Variants in ASIC2 observed in about 807,000 individuals in gnomAD.
ASIC2 encodes the protein acid-sensing ion channel 2.
ASIC2 carries 25 observed loss-of-function variants against 57.3 expected under a neutral mutation model. That is an observed-to-expected ratio of 0.44 (90% CI 0.32 to 0.61). The LOEUF is 0.61. Ranked by LOEUF, ASIC2 falls within the 20% of genes least tolerant of loss-of-function variation. The pLI, the probability that ASIC2 is intolerant of heterozygous loss-of-function variation, is 0.06. For missense variants in ASIC2, 641 were observed against 738.1 expected (o/e 0.87, Z 1.52); for synonymous variants, 319 against 307.5 (o/e 1.04, Z -0.39).
intron 1 of ASIC2, among the ~76,000 whole-genome samples, chr17:33,409,933 G>C (rs1327697305): frequency 6.6e-6 from 1 of 152,180 alleles, no homozygotes; most frequent in Non-Finnish European, 1.5e-5. Context: ...ATCCAGCTCA[G>C]GCCAACATAC....
intron 1 of ASIC2, among the ~76,000 whole-genome samples, chr17:33,343,082 A>T (rs541153312): frequency 6.6e-6 from 1 of 152,340 alleles, no homozygotes; most frequent in African/African-American, 2.4e-5. Context: ...AGGGAATAGG[A>T]GCGAGCAATC....
chr17:33,423,362 C>T (rs1156758949), intron 1 of ASIC2, among the ~76,000 whole-genome samples: 1 of 152,132 alleles, frequency 6.6e-6, no homozygotes. Context: ...TGGGGAACTA[C>T]AGGCTGTGAT....
chr17:33,372,177 T>C (rs1410110107), intron 1 of ASIC2, among the ~76,000 whole-genome samples: 1 of 152,056 alleles, frequency 6.6e-6, no homozygotes, highest in Non-Finnish European at 1.5e-5. Context: ...TTTTAAGAAC[T>C]GTAGCAGGGC....
chr17:33,279,569 G>C (rs925298115), intron 1 of ASIC2, among the ~76,000 whole-genome samples: 2 of 152,142 alleles, frequency 1.3e-5, no homozygotes, highest in African/African-American at 2.4e-5. Context: ...GGCAATGGGA[G>C]TGAGGTAGCC....
At chr17:33,867,341 T>C (rs755479576) in intron 1 of ASIC2, among the ~76,000 whole-genome samples, 1 of 152,210 alleles carries the variant, frequency 6.6e-6, no homozygotes, top group African/African-American at 2.4e-5. Flanking sequence ...TTCACGGTAA[T>C]GATTTATTTA....
At chr17:33,558,414 A>G (rs1915973015) in intron 1 of ASIC2, among the ~76,000 whole-genome samples, 1 of 152,196 alleles carries the variant, frequency 6.6e-6, no homozygotes, top group Admixed American at 6.5e-5. Context: ...GATGACCTTG[A>G]ACTTTTAGAG....
intron 3 of ASIC2, among the ~76,000 whole-genome samples, chr17:33,082,813 T>C (rs2092118556): frequency 6.6e-6 from 1 of 152,200 alleles, no homozygotes; most frequent in South Asian, 2.1e-4. Flanking sequence ...GCTGTCCCCA[T>C]ACCGCATGAA....
chr17:33,701,033 G>C (rs1757418086), intron 1 of ASIC2, among the ~76,000 whole-genome samples: 1 of 152,190 alleles, frequency 6.6e-6, no homozygotes, highest in Non-Finnish European at 1.5e-5. Flanking sequence ...AGGGAGAAAG[G>C]CATAAAGTCA....
intron 1 of ASIC2, among the ~76,000 whole-genome samples, chr17:33,267,504 T>C (rs1909508335): frequency 1.3e-5 from 2 of 152,208 alleles, no homozygotes; most frequent in African/African-American, 2.4e-5. Context: ...CTTGCATTCA[T>C]CAGTCACTGA....
At chr17:33,899,256 A>T (rs1915179859) in intron 1 of ASIC2, among the ~76,000 whole-genome samples, 1 of 152,126 alleles carries the variant, frequency 6.6e-6, no homozygotes, top group Non-Finnish European at 1.5e-5. Flanking sequence ...TGACAGGGCG[A>T]TGCTGCTGCC....
intron 1 of ASIC2, among the ~76,000 whole-genome samples, chr17:33,772,807 C>T (rs7213579): frequency 0.2 from 29,978 of 152,122 alleles, 3,131 homozygotes; most frequent in East Asian, 0.43. Flanking sequence ...GAGGCGGAGA[C>T]TCAAATCCCA....
At chr17:33,308,237 C>A (rs368459057) in intron 1 of ASIC2, among the ~76,000 whole-genome samples, 1 of 152,200 alleles carries the variant, frequency 6.6e-6, no homozygotes, top group Non-Finnish European at 1.5e-5. Context: ...TTTATGTTTT[C>A]TTTCACTGAT....
chr17:33,695,298 A>G (rs1325546469), intron 1 of ASIC2, among the ~76,000 whole-genome samples: 1 of 152,212 alleles, frequency 6.6e-6, no homozygotes, highest in Non-Finnish European at 1.5e-5. Flanking sequence ...AAATCATTTA[A>G]AAATATGGTG....
intron 1 of ASIC2, among the ~76,000 whole-genome samples, chr17:33,850,120 C>G (rs364925): frequency 0.3 from 45,955 of 151,908 alleles, 7,294 homozygotes; most frequent in East Asian, 0.49. Flanking sequence ...TTACTGTTCT[C>G]TTCAGGTGCT....
chr17:33,106,715 C>G (rs980964360), intron 2 of ASIC2, among the ~76,000 whole-genome samples: 1 of 152,230 alleles, frequency 6.6e-6, no homozygotes, highest in East Asian at 1.9e-4. Context: ...GGGGCGGGCA[C>G]CTGACTGGAG....
At chr17:33,708,503 C>T (rs1019894527) in intron 1 of ASIC2, among the ~76,000 whole-genome samples, 2 of 152,098 alleles carry the variant, frequency 1.3e-5, no homozygotes, top group African/African-American at 4.8e-5. Flanking sequence ...TTCTATTGAC[C>T]ACATTTTACA....
Position 33,735,560 on chromosome 17 carries a change from G to A in ASIC2, c.555+420418C>T, listed in dbSNP as rs140234155. 3.8e-3 allele frequency among the ~76,000 whole-genome samples: 586 copies of A among 152,250 alleles called. 6 individuals are homozygous for A. In the Middle Eastern group the frequency reaches 0.048, roughly 12 times the overall value. On this transcript the variant is annotated intron_variant, in intron 1 of 9. Transcript: ENST00000359872. The stretch of plus-strand genomic sequence containing the variant: ...TTGGAGTCACATAGTGTGGGTGGAG[G>A]GTTGGCTGGGAAGTGTCATAGTTTT...
intron 1 of ASIC2, among the ~76,000 whole-genome samples, chr17:33,634,095 G>T (rs1204234917): frequency 6.6e-6 from 1 of 152,114 alleles, no homozygotes; most frequent in Non-Finnish European, 1.5e-5. Flanking sequence ...CCAAGAGTTG[G>T]ACTTCCCATT....
chr17:33,099,073 A>G (rs1016114778), intron 2 of ASIC2, among the ~76,000 whole-genome samples: 3 of 151,770 alleles, frequency 2.0e-5, no homozygotes, highest in Non-Finnish European at 4.4e-5. Context: ...GCTCACTGCA[A>G]CCTCTGCCTC....
Sources: gnomAD v4.1 joint callset for allele counts (sites outside exome capture counted in the v4.1 genomes callset) on GRCh38, gnomAD v4.1.1 for gene constraint, MANE v1.5 for transcripts, NCBI Gene and HGNC (gene_info 2026-07-23, HGNC 2026-07-21) for gene names.